BPNT2: variants seen among roughly 807,000 people sequenced by gnomAD.
BPNT2 encodes the protein 3'(2'), 5'-bisphosphate nucleotidase 2.
A neutral mutation model predicts 29.3 loss-of-function variants in BPNT2; 11 were observed. The ratio of observed to expected loss-of-function variants is 0.38; its 90% CI spans 0.24 to 0.62. The LOEUF is 0.62. BPNT2 is among the 20% of genes least tolerant of loss of function. The probability of loss-of-function intolerance (pLI) is 0.62; values close to 1 mark genes in which losing one functional copy is unlikely to be tolerated. For synonymous variants in BPNT2, 195 were observed against 187.7 expected (o/e 1.04, Z -0.32); for missense variants, 459 against 473.4 (o/e 0.97, Z 0.28).
chr8:56,980,992 A>G (rs754959060), intron 1 of BPNT2, among the ~76,000 whole-genome samples: 8 of 145,654 alleles, frequency 5.5e-5, no homozygotes, highest in Non-Finnish European at 9.0e-5. Flanking sequence ...AGATTCCTTT[A>G]AATTGAGATT....
At chr8:56,990,897 C>T (rs185801970) in intron 1 of BPNT2, among the ~76,000 whole-genome samples, 1 of 152,276 alleles carries the variant, frequency 6.6e-6, no homozygotes, top group African/African-American at 2.4e-5. Context: ...GATCTTTCTA[C>T]ATTTACATAG....
intron 3 of BPNT2, among the ~76,000 whole-genome samples, chr8:56,971,473 T>A (rs1481821801): frequency 6.6e-6 from 1 of 152,094 alleles, no homozygotes; most frequent in East Asian, 1.9e-4. Flanking sequence ...TTTGGTAAGC[T>A]TTTTGGAGAT....
Position 56,993,675 on chromosome 8 carries a change from A to T in BPNT2, c.-90T>A. The T allele has an allele frequency of 9.1e-7, 1 of 1,095,064 alleles. No individual in the cohort carries two copies. Among genetic ancestry groups the T allele is most frequent in the Non-Finnish European group, 1.1e-6 (1 of 904,674 alleles). 67.8% of individuals were successfully genotyped at this position (1,095,064 alleles called of 1,614,324 possible). ...CGCCGCAGCCGCCGCGCTCCGGGCC[A>T]GGCGCCGCGCGGGCTACACTGGCGC... On this transcript the variant is annotated 5_prime_UTR_variant, in exon 1 of 5. Coordinates refer to ENST00000262644, the MANE Select transcript of BPNT2 (RefSeq NM_017813.5).
rs1036011855 is a variant in BPNT2, at chr8:56,960,897, G to A, written c.*2896C>T. 11 of 152,086 alleles carry A rather than the reference G, an allele frequency of 7.2e-5. No homozygotes were observed. The highest frequency in any genetic ancestry group is 1.5e-5 in the Non-Finnish European group (1 of 68,022). 9.4% of individuals were successfully genotyped at this position (152,086 alleles called of 1,614,324 possible). A position where few individuals can be genotyped will look rare whatever the true frequency, so the allele number is the denominator to read the frequency against. ...CTCCAGGATTGATCTCTGATACTAG[G>A]AACTTTACCAGAGCTTCAGATTTCA... is the stretch of plus-strand genomic sequence containing the variant. On this transcript the variant is annotated 3_prime_UTR_variant, in exon 5 of 5. Coordinates refer to ENST00000262644, the MANE Select transcript of BPNT2 (RefSeq NM_017813.5).
At chr8:56,979,562 T>C (rs927443277) in intron 2 of BPNT2, among the ~76,000 whole-genome samples, 3 of 152,184 alleles carry the variant, frequency 2.0e-5, no homozygotes, top group Admixed American at 2.0e-4. Context: ...AGGCTCCACA[T>C]TTACAGAACT....
At chr8:56,971,269 TA>T (rs10551418) in intron 3 of BPNT2, among the ~76,000 whole-genome samples, 1,841 of 122,554 alleles carry the variant, frequency 0.015, 26 homozygotes, top group African/African-American at 0.04. Flanking sequence ...AAGATAAGCT[TA>T]AAAAAAAAAA....
chr8:56,979,961 A>G (rs1806212564), intron 2 of BPNT2, 74 bp downstream of exon 2: 1 of 1,382,718 alleles, frequency 7.2e-7, no homozygotes, highest in South Asian at 1.2e-5. Context: ...TATCACCTAT[A>G]GGAAGTATGC....
chr8:56,964,137 T>C, intron 4 of BPNT2, 73 bp from the exon 5 acceptor site: 2 of 1,128,904 alleles, frequency 1.8e-6, no homozygotes, highest in Non-Finnish European at 2.6e-6. Context: ...TTTGATTAAG[T>C]ATCCTGTTAA....
At chr8:56,970,665 T>TTAA (rs1806016276) in intron 3 of BPNT2, among the ~76,000 whole-genome samples, 1 of 152,200 alleles carries the variant, frequency 6.6e-6, no homozygotes, top group South Asian at 2.1e-4. Flanking sequence ...TTTTATTATA[T>TTAA]TAATATACTG....
rs117867463 is a variant in BPNT2 at position 56,972,184 on chromosome 8, C to A, written c.647-5832G>T. Among the ~76,000 whole-genome samples the A allele has an allele frequency of 1.0e-3, 159 of 151,912 alleles. 2 individuals are homozygous for A. The East Asian group carries it at 0.018, about 18-fold the overall frequency. On this transcript the variant is annotated intron_variant, in intron 3 of 4. Transcript: ENST00000262644. ...ACTGCTCATCATGGTAAAAAGTGAT[C>A]TTTTGTGGGTTTTGCATATTTTTCA...
intron 1 of BPNT2, among the ~76,000 whole-genome samples, chr8:56,984,776 CA>C (rs1806302281): frequency 6.6e-6 from 1 of 152,028 alleles, no homozygotes; most frequent in South Asian, 2.1e-4. Context: ...AATGGTTTCT[CA>C]TTATGCAGAG....
At chr8:56,981,163 G>A (rs997810088) in intron 1 of BPNT2, among the ~76,000 whole-genome samples, 1 of 152,036 alleles carries the variant, frequency 6.6e-6, no homozygotes, top group African/African-American at 2.4e-5. Context: ...AAATGTCTCC[G>A]GACATTGTCA....
At chr8:56,987,726 ATTTTCTTTTTT>A (rs1191399561) in intron 1 of BPNT2, among the ~76,000 whole-genome samples, 2 of 141,580 alleles carry the variant, frequency 1.4e-5, no homozygotes, top group Non-Finnish European at 3.0e-5. Flanking sequence ...TTCAATAACT[ATTTTCTTTTTT>A]TTTTTTTTTG....
rs1172714265 is a variant in BPNT2 at position 56,963,243 on chromosome 8, A to C, written c.*550T>G. 1 of 152,776 alleles carries C rather than the reference A, an allele frequency of 6.5e-6. No homozygotes were observed. Among genetic ancestry groups the C allele is most frequent in the Non-Finnish European group, 1.5e-5 (1 of 68,160 alleles). The allele number at this position is 152,776 out of a possible 1,614,324, so 9.5% of individuals were successfully genotyped here. ...AAAATTTAAAAGAAAAAATCAATTA[A>C]ACTTTTTCTATTTTAATCCATAGAA... On this transcript the variant is annotated 3_prime_UTR_variant, in exon 5 of 5. Transcript: ENST00000262644.
At chr8:56,982,427 T>C (rs1806260331) in intron 1 of BPNT2, among the ~76,000 whole-genome samples, 1 of 152,208 alleles carries the variant, frequency 6.6e-6, no homozygotes, top group African/African-American at 2.4e-5. Flanking sequence ...GGTAAATCTT[T>C]AAATATTTCT....
chr8:56,993,135 T>C, intron 1 of BPNT2, 64 bp downstream of exon 1: 1 of 1,550,602 alleles, frequency 6.4e-7, no homozygotes, highest in Non-Finnish European at 8.7e-7. Context: ...CCCATACTGT[T>C]AAGAGTCGAC....
rs1287037551 is a variant in BPNT2, at chr8:56,958,317, AATCTAGTAAGAGCACATACAG to A, written c.*5455_*5475del. 2.0e-5 allele frequency: 3 copies of A among 152,224 alleles called. No homozygotes were observed. The highest frequency in any genetic ancestry group is 7.2e-5 in the African/African-American group (3 of 41,450). 9.4% of individuals were successfully genotyped at this position (152,224 alleles called of 1,614,324 possible). On this transcript the variant is annotated 3_prime_UTR_variant, in exon 5 of 5. Transcript: ENST00000262644. ...ATGCAATCCCTCTCAAGAACTGTAT[AATCTAGTAAGAGCACATACAG>A]AGATGGTGCTTGCAGGTAAAAACTG...
chr8:56,963,808 C>G lies in BPNT2; in HGVS notation c.1065G>C (p.Lys355Asn). 6.2e-7 allele frequency: 1 copy of G among 1,614,142 alleles called. No individual in the cohort carries two copies. Among genetic ancestry groups the G allele is most frequent in the Non-Finnish European group, 8.5e-7 (1 of 1,180,038 alleles). Residue 355 changes from lysine (K) to asparagine (N), a missense_variant, in exon 5 of 5, where the codon AAG (lysine) becomes AAC (asparagine). Transcript: ENST00000262644. ...TCAGTTATGCTCATTTATGTCCTGT[C>G]TTTTCTAGATCTGGGAGTTTTCTGA... Reference protein sequence around the residue: ...ALVRKLPDLEKTGHK With the variant: ...ALVRKLPDLENTGHK
chr8:56,991,480 T>TA lies in BPNT2; in HGVS notation c.387+1718dup, dbSNP rs1806414951. Among the ~76,000 whole-genome samples, 5 of 152,194 alleles carry TA rather than the reference T, an allele frequency of 3.3e-5. No individual in the cohort carries two copies. In the South Asian group the frequency reaches 1.0e-3, roughly 32 times the overall value. ...CATTTAAGATACTTTTGTTTTTACT[T>TA]AAAAAAAGAAAAATCAACTCTGCTT... On this transcript the variant is annotated intron_variant, in intron 1 of 4. Transcript: ENST00000262644.
Sources: allele counts gnomAD v4.1 joint callset (sites outside exome capture counted in the v4.1 genomes callset), GRCh38; gene constraint gnomAD v4.1.1; transcripts MANE v1.5; gene names NCBI Gene and HGNC (gene_info 2026-07-23, HGNC 2026-07-21).